Variants in CPQ observed in about 807,000 individuals in gnomAD.
The protein encoded by CPQ is Ser-Met dipeptidase.
Under a neutral mutation model 45.7 loss-of-function variants are expected in CPQ, and 37 were observed. That is an observed-to-expected ratio of 0.81 (90% CI 0.62 to 1.07). CPQ has a LOEUF of 1.07. Ranked by LOEUF, CPQ falls within the 50% of genes least tolerant of loss-of-function variation. CPQ has a pLI of 0.00. For synonymous variants in CPQ, 186 were observed against 205.8 expected (o/e 0.90, Z 0.82); for missense variants, 537 against 572.9 (o/e 0.94, Z 0.64).
chr8:97,126,569 G>A (rs1013488166), intron 7 of CPQ, among the ~76,000 whole-genome samples: 29 of 152,110 alleles, frequency 1.9e-4, no homozygotes, highest in Admixed American at 1.8e-3. Flanking sequence ...AGTAAACTTA[G>A]CAAGGTCACA....
At chr8:96,661,951 G>T (rs952410538) in intron 1 of CPQ, among the ~76,000 whole-genome samples, 1 of 152,166 alleles carries the variant, frequency 6.6e-6, no homozygotes, top group Admixed American at 6.5e-5. Context: ...CCAGCATTTG[G>T]TGTTGTCAGT....
intron 7 of CPQ, among the ~76,000 whole-genome samples, chr8:97,096,124 G>A (rs180751603): frequency 3.3e-5 from 5 of 152,182 alleles, no homozygotes; most frequent in African/African-American, 4.8e-5. Flanking sequence ...CTTGCTAAAT[G>A]TTTTTAAATG....
intron 2 of CPQ, among the ~76,000 whole-genome samples, chr8:96,826,634 T>C (rs913134442): frequency 1.3e-5 from 2 of 152,050 alleles, no homozygotes; most frequent in African/African-American, 4.8e-5. Flanking sequence ...CTTTTACTTT[T>C]TAAGTTCTGG....
At position 97,086,505 on chromosome 8, in the gene CPQ, T is replaced by C. The variant is rs118074135; in HGVS notation, c.1255+20295T>C. On this transcript the variant is annotated intron_variant, in intron 7 of 7. Coordinates refer to ENST00000220763, the MANE Select transcript of CPQ (RefSeq NM_016134.4). ...GCTCTGTTTGATTGCAGAGTCTGTT[T>C]TCCTTCTCTGTTGTCTTTACATTCT... 5.0e-3 allele frequency among the ~76,000 whole-genome samples: 768 copies of C among 152,276 alleles called. 6 individuals are homozygous for C. Among genetic ancestry groups the C allele is most frequent in the Non-Finnish European group, 6.4e-3 (435 of 67,998 alleles).
At chr8:97,054,506 G>T (rs374913569) in intron 6 of CPQ, among the ~76,000 whole-genome samples, 2 of 152,136 alleles carry the variant, frequency 1.3e-5, no homozygotes, top group African/African-American at 4.8e-5. Context: ...CAATTGCAAA[G>T]ATATGGAATA....
intron 7 of CPQ, among the ~76,000 whole-genome samples, chr8:97,069,827 G>A (rs944567600): frequency 1.3e-5 from 2 of 152,004 alleles, no homozygotes; most frequent in African/African-American, 4.8e-5. Flanking sequence ...GTGACTGTAT[G>A]ATGACTAGAC....
chr8:96,714,208 G>T (rs112759443), intron 1 of CPQ, among the ~76,000 whole-genome samples: 3,656 of 152,162 alleles, frequency 0.024, 161 homozygotes, highest in African/African-American at 0.083. Flanking sequence ...GAACTTTTCC[G>T]CAATTATTCC....
rs370052110 is a variant in CPQ, at chr8:96,767,722, C to A, written c.-34-17142C>A. Among the ~76,000 whole-genome samples the A allele has an allele frequency of 6.6e-5, 9 of 136,152 alleles. No individual in the cohort carries two copies. In the East Asian group the frequency reaches 1.8e-3, roughly 27 times the overall value. The allele number at this position is 136,152 out of a possible 152,430, so 89.3% of individuals were successfully genotyped here. A position where few individuals can be genotyped will look rare whatever the true frequency, so the allele number is the denominator to read the frequency against. Reference sequence around the variant, plus strand: ...GCAATGGTGCGATATCAGCTCACTGCTGCCGATGCTTCCCAGATTCAAGCG... The same window carrying A: ...GCAATGGTGCGATATCAGCTCACTGATGCCGATGCTTCCCAGATTCAAGCG... On this transcript the variant is annotated intron_variant, in intron 1 of 7. Coordinates refer to ENST00000220763, the MANE Select transcript of CPQ (RefSeq NM_016134.4).
At chr8:96,648,305 A>G (rs1396345436) in intron 1 of CPQ, among the ~76,000 whole-genome samples, 3 of 152,162 alleles carry the variant, frequency 2.0e-5, no homozygotes, top group Admixed American at 6.5e-5. Flanking sequence ...TCACAATATT[A>G]TGAAAAAAAC....
At chr8:96,859,159 G>A (rs77957763) in intron 3 of CPQ, among the ~76,000 whole-genome samples, 4,444 of 152,268 alleles carry the variant, frequency 0.029, 97 homozygotes, top group African/African-American at 0.045. Context: ...AACTGACTAA[G>A]TTGCATCAGA....
At chr8:96,867,120 G>A (rs1410347159) in intron 3 of CPQ, among the ~76,000 whole-genome samples, 1 of 151,978 alleles carries the variant, frequency 6.6e-6, no homozygotes, top group Non-Finnish European at 1.5e-5. Flanking sequence ...AGCCTGTATT[G>A]TGGCATTTTG....
intron 1 of CPQ, among the ~76,000 whole-genome samples, chr8:96,741,574 C>T (rs1306846383): frequency 6.6e-6 from 1 of 152,000 alleles, no homozygotes; most frequent in African/African-American, 2.4e-5. Flanking sequence ...GTTAGGGTGT[C>T]AATTTTGGAT....
chr8:96,996,489 T>C (rs1809181073), intron 5 of CPQ, among the ~76,000 whole-genome samples: 1 of 152,052 alleles, frequency 6.6e-6, no homozygotes, highest in Admixed American at 6.6e-5. Flanking sequence ...GGTTCAGCTT[T>C]TATTTTCACA....
intron 1 of CPQ, among the ~76,000 whole-genome samples, chr8:96,657,400 C>T (rs1281897978): frequency 6.6e-6 from 1 of 152,108 alleles, no homozygotes; most frequent in Non-Finnish European, 1.5e-5. Context: ...GCAGGAGGGG[C>T]AGTGTAGTCA....
chr8:96,670,860 AT>A (rs1446455166), intron 1 of CPQ, among the ~76,000 whole-genome samples: 1 of 128,466 alleles, frequency 7.8e-6, no homozygotes, highest in Non-Finnish European at 1.6e-5. Context: ...GGTTGCCAGG[AT>A]TTAAGGAGTT....
rs553511111 is a variant in CPQ, at chr8:96,808,089, G to A, written c.433+22759G>A. 1.2e-3 allele frequency among the ~76,000 whole-genome samples: 184 copies of A among 152,214 alleles called. 1 individual carries two copies. The highest frequency in any genetic ancestry group is 4.2e-3 in the African/African-American group (176 of 41,530). On this transcript the variant is annotated intron_variant, in intron 2 of 7. Coordinates refer to ENST00000220763, the MANE Select transcript of CPQ (RefSeq NM_016134.4). ...ATGACTGCATCTTAGAGTTGCTGTT[G>A]AATACAGATGATGTTAATTTTGTTC...
At chr8:96,958,023 T>C (rs1813385451) in intron 4 of CPQ, among the ~76,000 whole-genome samples, 1 of 149,906 alleles carries the variant, frequency 6.7e-6, no homozygotes, top group African/African-American at 2.5e-5. Context: ...TTTTTTTCAA[T>C]AGAGATGAGT....
At chr8:97,142,354 A>G (rs1170614125) in intron 7 of CPQ, among the ~76,000 whole-genome samples, 3 of 152,216 alleles carry the variant, frequency 2.0e-5, no homozygotes, top group Non-Finnish European at 4.4e-5. Context: ...AAAAAGCTTC[A>G]CACTTGAATG....
intron 1 of CPQ, among the ~76,000 whole-genome samples, chr8:96,674,907 A>C (rs1445022213): frequency 6.6e-6 from 1 of 152,080 alleles, no homozygotes; most frequent in Admixed American, 6.6e-5. Context: ...TTATTTTCTC[A>C]GACAGACCAT....
Sources: allele counts gnomAD v4.1 joint callset (sites outside exome capture counted in the v4.1 genomes callset), GRCh38; gene constraint gnomAD v4.1.1; transcripts MANE v1.5; gene names NCBI Gene and HGNC (gene_info 2026-07-23, HGNC 2026-07-21).